The following GPD2 variants were observed in gnomAD, a reference collection of about 807,000 sequenced individuals.
GPD2 encodes glycerol-3-phosphate dehydrogenase 2.
Under a neutral mutation model 82.4 loss-of-function variants are expected in GPD2, and 54 were observed. That is an observed-to-expected ratio of 0.66 (90% CI 0.53 to 0.82). The LOEUF (loss-of-function observed/expected upper bound fraction) is 0.82, where lower values mean the gene tolerates loss of function less well. GPD2 is among the 40% of genes least tolerant of loss of function. The pLI is 0.00. For missense variants in GPD2, 748 were observed against 896.2 expected, an observed-to-expected ratio of 0.83 and a Z score of 2.11; for synonymous variants, 288 against 306.1, an observed-to-expected ratio of 0.94 and a Z score of 0.62.
At chr2:156,543,299 A>G (rs988297296) in intron 6 of GPD2, among the ~76,000 whole-genome samples, 3 of 152,226 alleles carry the variant, frequency 2.0e-5, no homozygotes, top group Non-Finnish European at 4.4e-5. Flanking sequence ...TTATTTGATC[A>G]GCCTCTGAAC....
chr2:156,552,186 G>C (rs1018661362), intron 8 of GPD2, among the ~76,000 whole-genome samples: 1 of 152,166 alleles, frequency 6.6e-6, no homozygotes, highest in Admixed American at 6.5e-5. Flanking sequence ...TTTTCAAAAT[G>C]CGTATGTGAG....
At chr2:156,418,017 C>A in the GPD2 span, among the ~76,000 whole-genome samples, 1 of 151,948 alleles carries the variant, frequency 6.6e-6, no homozygotes, top group Non-Finnish European at 1.5e-5. Context: ...GAGTTCGAGA[C>A]CAGCCTGGCC....
chr2:156,583,049 A>G lies in GPD2; in HGVS notation c.*131A>G, dbSNP rs184834240. ...CTTTTTTAACACTAGAAAACATTCC[A>G]AAACTTTAAGGTGTTGGTGTATTTG... On this transcript the variant is annotated 3_prime_UTR_variant, in exon 17 of 17. Transcript: ENST00000438166. 212 of 980,274 alleles carry G rather than the reference A, an allele frequency of 2.2e-4. No homozygotes were observed. In the East Asian group the frequency reaches 4.8e-3, roughly 22 times the overall value. 60.7% of individuals were successfully genotyped at this position (980,274 alleles called of 1,614,324 possible).
intron 1 of GPD2, among the ~76,000 whole-genome samples, chr2:156,447,212 C>G (rs1044934779): frequency 1.3e-5 from 2 of 152,090 alleles, no homozygotes; most frequent in Non-Finnish European, 2.9e-5. Context: ...GCTACATGCT[C>G]TCTTTCTCCT....
the GPD2 span, among the ~76,000 whole-genome samples, chr2:156,420,994 G>A: frequency 1.3e-5 from 2 of 152,170 alleles, no homozygotes. Context: ...TTTATTGACA[G>A]CCTACAGAAT....
intron 6 of GPD2, among the ~76,000 whole-genome samples, chr2:156,527,525 G>T (rs905406253): frequency 6.6e-6 from 1 of 151,644 alleles, no homozygotes; most frequent in East Asian, 1.9e-4. Flanking sequence ...ACAGGCACAC[G>T]CAACTAACCT....
At chr2:156,471,908 A>G (rs1683342953) in intron 1 of GPD2, among the ~76,000 whole-genome samples, 3 of 152,230 alleles carry the variant, frequency 2.0e-5, no homozygotes, top group Admixed American at 2.0e-4. Context: ...CCATTTGTTT[A>G]GGTTTTGCCA....
upstream of GPD2, among the ~76,000 whole-genome samples, chr2:156,433,209 A>G (rs538919445): frequency 3.3e-5 from 5 of 152,366 alleles, no homozygotes; most frequent in Non-Finnish European, 7.3e-5. Context: ...AGGTGGTAAC[A>G]GCCCATTCCC....
chr2:156,584,948 C>T lies in GPD2; in HGVS notation c.*2030C>T, dbSNP rs1016033407. 1 of 151,892 alleles carries T rather than the reference C, an allele frequency of 6.6e-6. No homozygotes were observed. The highest frequency in any genetic ancestry group is 2.4e-5 in the African/African-American group (1 of 41,374). 9.4% of individuals were successfully genotyped at this position (151,892 alleles called of 1,614,324 possible). On this transcript the variant is annotated 3_prime_UTR_variant, in exon 17 of 17. Coordinates refer to ENST00000438166, the MANE Select transcript of GPD2 (RefSeq NM_000408.5). ...TCCCTGATTCTGTTACAGTAGGGCC[C>T]GGGCAGATCTGTGTTTGTTAAACAG...
chr2:156,421,687 A>G, the GPD2 span, among the ~76,000 whole-genome samples: 1 of 152,194 alleles, frequency 6.6e-6, no homozygotes, highest in Admixed American at 6.5e-5. Context: ...GCCTTAGAGT[A>G]TGATGTAAGA....
chr2:156,552,724 C>T (rs1246988466), intron 8 of GPD2, among the ~76,000 whole-genome samples: 1 of 151,856 alleles, frequency 6.6e-6, no homozygotes, highest in East Asian at 1.9e-4. Context: ...CTTAGTTTTC[C>T]GTTCATTAAA....
intron 1 of GPD2, among the ~76,000 whole-genome samples, chr2:156,461,702 A>T (rs1324471241): frequency 2.6e-5 from 4 of 152,176 alleles, no homozygotes; most frequent in Non-Finnish European, 5.9e-5. Flanking sequence ...CCTCTAACCT[A>T]TTATTTCATC....
intron 6 of GPD2, among the ~76,000 whole-genome samples, chr2:156,514,335 A>G (rs1685118313): frequency 6.6e-6 from 1 of 152,124 alleles, no homozygotes; most frequent in African/African-American, 2.4e-5. Flanking sequence ...CTGAACACAG[A>G]TAATTATACA....
At position 156,566,790 on chromosome 2, in the gene GPD2, T is replaced by C. The variant is rs914296983; in HGVS notation, c.1166-2035T>C. Among the ~76,000 whole-genome samples the C allele has an allele frequency of 3.3e-5, 5 of 152,112 alleles. No homozygotes were observed. The South Asian group carries it at 1.0e-3, about 31-fold the overall frequency. On this transcript the variant is annotated intron_variant, in intron 9 of 16. Coordinates refer to ENST00000438166, the MANE Select transcript of GPD2 (RefSeq NM_000408.5). ...TTGAGGAATCGCCATACATTTTTGATAGTAGCTGCACCATTTTACCTTCTA... is the reference window on the plus strand; with the variant it reads ...TTGAGGAATCGCCATACATTTTTGACAGTAGCTGCACCATTTTACCTTCTA...
At chr2:156,543,692 A>T (rs1479020904) in intron 6 of GPD2, among the ~76,000 whole-genome samples, 2 of 152,244 alleles carry the variant, frequency 1.3e-5, no homozygotes, top group African/African-American at 2.4e-5. Context: ...GATGTACCAC[A>T]TAGTAAGGAC....
intron 1 of GPD2, among the ~76,000 whole-genome samples, chr2:156,446,957 A>T (rs1682389148): frequency 6.6e-6 from 1 of 152,028 alleles, no homozygotes; most frequent in Non-Finnish European, 1.5e-5. Context: ...CCCCTCATTA[A>T]TTCTTGACTT....
At chr2:156,481,456 C>G (rs1433143997) in intron 2 of GPD2, among the ~76,000 whole-genome samples, 5 of 146,618 alleles carry the variant, frequency 3.4e-5, no homozygotes, top group African/African-American at 9.8e-5. Context: ...CCTGTCTTCC[C>G]CCTCCCCTCC....
At chr2:156,407,129 T>C in the GPD2 span, among the ~76,000 whole-genome samples, 1 of 152,154 alleles carries the variant, frequency 6.6e-6, no homozygotes, top group Admixed American at 6.6e-5. Context: ...GGAGAATCTC[T>C]TGAACCCAGG....
At chr2:156,524,828 A>G (rs888790593) in intron 6 of GPD2, among the ~76,000 whole-genome samples, 1 of 152,212 alleles carries the variant, frequency 6.6e-6, no homozygotes, top group African/African-American at 2.4e-5. Flanking sequence ...GTTTTGTCAA[A>G]AATACTTTAT....
Sources: gnomAD v4.1 joint callset for allele counts (sites outside exome capture counted in the v4.1 genomes callset) on GRCh38, gnomAD v4.1.1 for gene constraint, MANE v1.5 for transcripts, NCBI Gene and HGNC (gene_info 2026-07-23, HGNC 2026-07-21) for gene names.